The following CHODL variants were observed in gnomAD, a reference collection of about 807,000 sequenced individuals.
CHODL encodes the protein transmembrane protein MT75.
A neutral mutation model predicts 34.5 loss-of-function variants in CHODL; 29 were observed. The observed-to-expected ratio is 0.84, with a 90% CI of 0.63 to 1.15. The LOEUF (loss-of-function observed/expected upper bound fraction) is 1.15, where lower values mean the gene tolerates loss of function less well. CHODL is among the 50% of genes most tolerant of loss of function. The pLI is 0.00. For missense variants in CHODL, 332 were observed against 332.5 expected (o/e 1.00, Z 0.01); for synonymous variants, 125 against 116.1 (o/e 1.08, Z -0.49).
At chr21:18,127,610 A>G (rs2146587844) in intron 2 of CHODL, among the ~76,000 whole-genome samples, 1 of 151,990 alleles carries the variant, frequency 6.6e-6, no homozygotes, top group East Asian at 1.9e-4. Context: ...GGCAACTAAA[A>G]AAATTCCTCA....
intron 2 of CHODL, among the ~76,000 whole-genome samples, chr21:18,223,748 G>A (rs1416067421): frequency 1.3e-5 from 2 of 152,074 alleles, no homozygotes; most frequent in African/African-American, 4.8e-5. Context: ...CTGATTCTAT[G>A]ATAATAAAAT....
chr21:17,939,924 G>A (rs12482649), intron 1 of CHODL, among the ~76,000 whole-genome samples: 36,711 of 152,120 alleles, frequency 0.24, 5,092 homozygotes, highest in South Asian at 0.4. Flanking sequence ...AGTGGAGGGT[G>A]TACATTGATG....
intron 2 of CHODL, among the ~76,000 whole-genome samples, chr21:18,157,310 C>CATCAATATT (rs201818570): frequency 0.011 from 1,643 of 152,204 alleles, 15 homozygotes; most frequent in Middle Eastern, 0.017. Flanking sequence ...TCCTAACTAC[C>CATCAATATT]ATCAATATTG....
chr21:17,995,473 A>C (rs879912326), intron 1 of CHODL, among the ~76,000 whole-genome samples: 1 of 151,768 alleles, frequency 6.6e-6, no homozygotes, highest in Non-Finnish European at 1.5e-5. Context: ...TGCTTCAAGC[A>C]CTCCCTGTCA....
chr21:18,123,728 C>T (rs529842783), intron 2 of CHODL, among the ~76,000 whole-genome samples: 37 of 152,238 alleles, frequency 2.4e-4, no homozygotes, highest in South Asian at 1.9e-3. Context: ...TAAGGCCTCA[C>T]CTCCCAATAC....
intron 2 of CHODL, among the ~76,000 whole-genome samples, chr21:18,160,847 C>T (rs1047714816): frequency 6.6e-6 from 1 of 152,116 alleles, no homozygotes; most frequent in African/African-American, 2.4e-5. Flanking sequence ...GGTAGATACT[C>T]AGTAATGGGA....
chr21:18,256,325 A>G (rs2074313922), intron 1 of CHODL, among the ~76,000 whole-genome samples, 184 bp from the exon 2 acceptor site: 1 of 152,182 alleles, frequency 6.6e-6, no homozygotes. Flanking sequence ...TTACGAGGGA[A>G]TAAATTTGCT....
At chr21:18,152,355 A>G (rs2072980438) in intron 2 of CHODL, among the ~76,000 whole-genome samples, 1 of 152,204 alleles carries the variant, frequency 6.6e-6, no homozygotes, top group Non-Finnish European at 1.5e-5. Flanking sequence ...TTTAAAACAC[A>G]TCTATTCATT....
intron 2 of CHODL, among the ~76,000 whole-genome samples, chr21:18,156,181 A>G (rs780148878): frequency 2.2e-4 from 34 of 152,350 alleles, no homozygotes; most frequent in Admixed American, 1.4e-3. Context: ...TTGCACGGGT[A>G]AAAAGATACT....
Position 18,212,708 on chromosome 21 carries a change from G to A in CHODL, c.-44-43801G>A, listed in dbSNP as rs146498317. Among the ~76,000 whole-genome samples, 11 of 152,118 alleles carry A rather than the reference G, an allele frequency of 7.2e-5. No homozygotes were observed. In the East Asian group the frequency reaches 2.1e-3, roughly 29 times the overall value. ...TTAATCAGGAAAAGTTTTATAGAAA[G>A]CTTTCTGTAAATATTCACTTGAATT... On this transcript the variant is annotated intron_variant, in intron 2 of 6. Coordinates refer to the CHODL transcript ENST00000400127.
intron 1 of CHODL, among the ~76,000 whole-genome samples, chr21:17,934,360 C>T (rs544841626): frequency 6.6e-6 from 1 of 152,110 alleles, no homozygotes; most frequent in Non-Finnish European, 1.5e-5. Context: ...GGTATTTCAC[C>T]ACTTAACACA....
chr21:18,234,140 C>G (rs529614462), intron 2 of CHODL, among the ~76,000 whole-genome samples: 1 of 152,228 alleles, frequency 6.6e-6, no homozygotes, highest in Non-Finnish European at 1.5e-5. Context: ...ATAAATACTA[C>G]TTGGCGTGAA....
intron 1 of CHODL, among the ~76,000 whole-genome samples, chr21:17,974,990 C>G (rs1172838809): frequency 6.7e-6 from 1 of 149,018 alleles, no homozygotes; most frequent in Admixed American, 6.7e-5. Context: ...ATATGTAAAA[C>G]CTATTGTATT....
intron 2 of CHODL, among the ~76,000 whole-genome samples, chr21:18,168,969 T>C (rs1474687295): frequency 6.6e-6 from 1 of 152,160 alleles, no homozygotes; most frequent in African/African-American, 2.4e-5. Context: ...TCAACTTCTT[T>C]CTTTTACTTG....
At chr21:18,141,840 G>A (rs763521827) in intron 2 of CHODL, among the ~76,000 whole-genome samples, 1 of 152,026 alleles carries the variant, frequency 6.6e-6, no homozygotes, top group African/African-American at 2.4e-5. Flanking sequence ...ATCAGGAAGC[G>A]TGTCAAGAAA....
At chr21:17,946,247 C>A (rs1175475080) in intron 1 of CHODL, among the ~76,000 whole-genome samples, 1 of 152,150 alleles carries the variant, frequency 6.6e-6, no homozygotes, top group African/African-American at 2.4e-5. Flanking sequence ...GAAACCCCGT[C>A]TCTACTAAAA....
intron 1 of CHODL, among the ~76,000 whole-genome samples, chr21:17,963,692 A>G (rs1339914001): frequency 6.6e-6 from 1 of 152,016 alleles, no homozygotes; most frequent in Non-Finnish European, 1.5e-5. Context: ...TAGCCAAACC[A>G]TATCAATTAT....
chr21:18,178,196 CAAGTT>C (rs895069412), intron 2 of CHODL, among the ~76,000 whole-genome samples: 2 of 152,092 alleles, frequency 1.3e-5, no homozygotes, highest in African/African-American at 4.8e-5. Context: ...ATACCAGACA[CAAGTT>C]AATTATTTTC....
chr21:18,170,865 T>C (rs1014479663), intron 2 of CHODL, among the ~76,000 whole-genome samples: 5 of 152,152 alleles, frequency 3.3e-5, no homozygotes, highest in Non-Finnish European at 7.4e-5. Context: ...ACTAGTACAC[T>C]TTATTTTCTT....
Sources: gnomAD v4.1 joint callset for allele counts (sites outside exome capture counted in the v4.1 genomes callset) on GRCh38, gnomAD v4.1.1 for gene constraint, MANE v1.5 for transcripts, NCBI Gene and HGNC (gene_info 2026-07-23, HGNC 2026-07-21) for gene names.